USP34: variants seen among roughly 807,000 people sequenced by gnomAD.
USP34 encodes the protein ubiquitin carboxyl-terminal hydrolase 34.
USP34 carries 70 observed loss-of-function variants against 460.3 expected under a neutral mutation model. The ratio of observed to expected loss-of-function variants is 0.15; its 90% CI spans 0.13 to 0.19. USP34 has a LOEUF of 0.19. Among genes scored for constraint, USP34 ranks in the 10% least tolerant of loss-of-function variants. USP34 has a pLI of 1.00. For missense variants in USP34, 3,985 were observed against 4,236.2 expected, an observed-to-expected ratio of 0.94 and a Z score of 1.65; for synonymous variants, 1,647 against 1,405.3, an observed-to-expected ratio of 1.17 and a Z score of -3.85.
chr2:61,346,090 T>G (rs998309694), intron 15 of USP34, among the ~76,000 whole-genome samples: 1 of 152,200 alleles, frequency 6.6e-6, no homozygotes, highest in African/African-American at 2.4e-5. Flanking sequence ...TTCCCTTTCT[T>G]AATCACAATT....
chr2:61,379,548 C>G (rs1692911132), intron 7 of USP34, among the ~76,000 whole-genome samples: 1 of 151,968 alleles, frequency 6.6e-6, no homozygotes, highest in Non-Finnish European at 1.5e-5. Flanking sequence ...AACAAAAACC[C>G]AGAAATGTAA....
At chr2:61,290,726 T>G (rs1689825288) in intron 33 of USP34, among the ~76,000 whole-genome samples, 2 of 152,154 alleles carry the variant, frequency 1.3e-5, no homozygotes, top group Non-Finnish European at 2.9e-5. Flanking sequence ...ATAAACATTT[T>G]TCAAAACTCA....
chr2:61,329,600 CAT>C (rs1460534954), intron 20 of USP34, among the ~76,000 whole-genome samples: 2 of 152,096 alleles, frequency 1.3e-5, no homozygotes, highest in Non-Finnish European at 2.9e-5. Flanking sequence ...GAGTTGAGTT[CAT>C]AGACAGTCCA....
intron 69 of USP34, 25 bp downstream of exon 69, chr2:61,211,747 G>C: frequency 6.5e-7 from 1 of 1,541,710 alleles, no homozygotes; most frequent in Non-Finnish European, 8.7e-7. Flanking sequence ...AAATAAACAA[G>C]ACAAAACTAA....
intron 8 of USP34, among the ~76,000 whole-genome samples, chr2:61,373,253 G>C (rs1334499320): frequency 6.6e-6 from 1 of 151,464 alleles, no homozygotes; most frequent in Non-Finnish European, 1.5e-5. Context: ...AGGAGAAATA[G>C]AGAAACAAGA....
At chr2:61,402,079 A>T (rs1693737979) in intron 3 of USP34, among the ~76,000 whole-genome samples, 1 of 151,710 alleles carries the variant, frequency 6.6e-6, no homozygotes, top group African/African-American at 2.4e-5. Context: ...AAACCCCATA[A>T]ACACAGATAA....
rs1283178406 is a variant in USP34, at chr2:61,301,348, A to G, written c.3918+6T>C. 6.2e-7 allele frequency: 1 copy of G among 1,612,208 alleles called. No homozygotes were observed. Among genetic ancestry groups the G allele is most frequent in the Non-Finnish European group, 8.5e-7 (1 of 1,179,306 alleles). On this transcript the variant is annotated splice_donor_region_variant and intron_variant, in intron 28 of 79. Transcript: ENST00000398571. ...TTAAAACTCAAACCACGTTTTATATATGTACCTGCATATCCTTAAAACCAA... is the reference window on the plus strand; with the variant it reads ...TTAAAACTCAAACCACGTTTTATATGTGTACCTGCATATCCTTAAAACCAA...
At chr2:61,352,493 T>A (rs1331627915) in intron 10 of USP34, among the ~76,000 whole-genome samples, 2 of 151,972 alleles carry the variant, frequency 1.3e-5, no homozygotes, top group African/African-American at 4.8e-5. Flanking sequence ...CACTTGGTTA[T>A]TTTTGTTTTG....
chr2:61,265,757 T>C (rs1689027233), intron 42 of USP34, 200 bp from the exon 43 acceptor site: 5 of 704,364 alleles, frequency 7.1e-6, no homozygotes, highest in Non-Finnish European at 1.0e-5. Flanking sequence ...AAAACTTGAT[T>C]TTACTTGGCC....
chr2:61,302,604 C>T (rs1690263679), intron 27 of USP34, among the ~76,000 whole-genome samples: 1 of 152,180 alleles, frequency 6.6e-6, no homozygotes, highest in Non-Finnish European at 1.5e-5. Flanking sequence ...ACATTTTAAA[C>T]ATATCCTAAA....
chr2:61,202,320 T>A (rs987686513), intron 75 of USP34, among the ~76,000 whole-genome samples: 1 of 152,120 alleles, frequency 6.6e-6, no homozygotes, highest in Non-Finnish European at 1.5e-5. Context: ...GGGTAGTAGT[T>A]CCGCAAGTAT....
chr2:61,306,552 G>T (rs1012308160), intron 27 of USP34, among the ~76,000 whole-genome samples: 3 of 152,118 alleles, frequency 2.0e-5, no homozygotes, highest in East Asian at 1.9e-4. Flanking sequence ...TGGCAATGCG[G>T]GCCCTTTTTT....
In USP34 at chr2:61,350,278, G is replaced by A. The variant is rs758766334; in HGVS notation, c.1489C>T (p.Pro497Ser). ...TACTAACCTTTCTTATTTCCAATGG[G>A]AATATTAGTATTTAATAAAGATGCA... is the stretch of plus-strand genomic sequence containing the variant. ...SFASLLNTNIPIGNKKEEEEL... is the reference protein window; with the variant it reads ...SFASLLNTNISIGNKKEEEEL... The change falls in exon 12 of 80, where the codon CCC (proline) becomes TCC (serine). Residue 497 changes from proline (P) to serine (S), a missense_variant. By Grantham distance (74) the Pro-to-Ser change is moderately conservative (BLOSUM62 -1). Coordinates refer to ENST00000398571, the MANE Select transcript of USP34 (RefSeq NM_014709.4). The A allele has an allele frequency of 1.2e-6, 2 of 1,607,412 alleles. No homozygotes were observed. The highest frequency in any genetic ancestry group is 1.7e-6 in the Non-Finnish European group (2 of 1,176,988).
At chr2:61,307,257 T>C (rs753755107) in intron 27 of USP34, among the ~76,000 whole-genome samples, 9 of 139,206 alleles carry the variant, frequency 6.5e-5, no homozygotes, top group Admixed American at 2.4e-4. Context: ...TAGGTGGGAA[T>C]TGAACAATGA....
intron 5 of USP34, among the ~76,000 whole-genome samples, chr2:61,393,124 T>G (rs118191680): frequency 6.6e-6 from 1 of 152,116 alleles, no homozygotes; most frequent in African/African-American, 2.4e-5. Context: ...ATTCCCATTT[T>G]GCAAATTAAA....
In USP34 at chr2:61,454,873, T is replaced by G. The variant is rs1396560039; in HGVS notation, c.43+15777A>C. On this transcript the variant is annotated intron_variant, in intron 1 of 79. Transcript: ENST00000398571. ...AATATAGTGGGGTTTTTTTTTTCTT[T>G]TTTTTTTTTTTTGGTTGTTTATTTG... Among the ~76,000 whole-genome samples the G allele has an allele frequency of 8.1e-5, 12 of 148,736 alleles. No homozygotes were observed. In the South Asian group the frequency reaches 1.9e-3, roughly 24 times the overall value.
chr2:61,189,158 C>A, intron 78 of USP34, 89 bp from the exon 79 acceptor site: 1 of 1,383,212 alleles, frequency 7.2e-7, no homozygotes, highest in Non-Finnish European at 9.8e-7. Flanking sequence ...TTTATTTTCC[C>A]AGGAATCCAT....
intron 18 of USP34, among the ~76,000 whole-genome samples, chr2:61,335,573 C>A (rs186642962): frequency 7.9e-5 from 12 of 152,118 alleles, no homozygotes; most frequent in Non-Finnish European, 4.4e-5. Flanking sequence ...ACAGTGAGAC[C>A]CGGTCTCCAC....
At chr2:61,230,531 A>C (rs946947788) in intron 58 of USP34, among the ~76,000 whole-genome samples, 8 of 152,018 alleles carry the variant, frequency 5.3e-5, no homozygotes, top group Non-Finnish European at 7.4e-5. Context: ...CTCAAAAACA[A>C]CACCAACCAA....
Sources: gnomAD v4.1 joint callset for allele counts (sites outside exome capture counted in the v4.1 genomes callset) on GRCh38, gnomAD v4.1.1 for gene constraint, MANE v1.5 for transcripts, NCBI Gene and HGNC (gene_info 2026-07-23, HGNC 2026-07-21) for gene names.